Variants in MAP3K5 observed in about 807,000 individuals in gnomAD.
The protein encoded by MAP3K5 is ASK-1.
In MAP3K5, 56 loss-of-function variants were observed where a neutral mutation model predicts 158.7. The ratio of observed to expected loss-of-function variants is 0.35; its 90% CI spans 0.28 to 0.44. The LOEUF (loss-of-function observed/expected upper bound fraction) is 0.44, where lower values mean the gene tolerates loss of function less well. Among genes scored for constraint, MAP3K5 ranks in the 20% least tolerant of loss-of-function variants. The pLI, the probability that MAP3K5 is intolerant of heterozygous loss-of-function variation, is 1.00. For synonymous variants in MAP3K5, 579 were observed against 601.7 expected (o/e 0.96, Z 0.55); for missense variants, 1,294 against 1,674.8 (o/e 0.77, Z 3.97).
chr6:136,580,650 T>C (rs144523749), intron 24 of MAP3K5, among the ~76,000 whole-genome samples: 173 of 152,294 alleles, frequency 1.1e-3, no homozygotes, highest in African/African-American at 3.9e-3. Context: ...AATGAGAATG[T>C]TGCTTCTTTG....
In MAP3K5 at chr6:136,601,836, T is replaced by C. The variant is rs202169438; in HGVS notation, c.2823A>G (p.Ser941=). 64 of 1,614,182 alleles carry C rather than the reference T, an allele frequency of 4.0e-5. No homozygotes were observed. The highest frequency in any genetic ancestry group is 3.3e-4 in the Middle Eastern group (2 of 6,062). ...DLLVDEFLKV[S]SKKKKTQPKL... is the part of the protein sequence containing the mutation. ...TAGGTTGTGTCTTTTTCTTTTTGCT[T>C]GAAACTTTTAAAAACTCATCAACAA... Residue 941 remains serine, a synonymous_variant, in exon 20 of 30, where the codon TCA becomes TCG. Coordinates refer to ENST00000359015, the MANE Select transcript of MAP3K5 (RefSeq NM_005923.4).
rs768850612 is a variant in MAP3K5 at position 136,583,745 on chromosome 6, G to C, written c.3226-5C>G. ...TAGTTTCGGTTCTTCAGCCCCCTGT[G>C]AATAAAAATCAACAATCCTTACATC... On this transcript the variant is annotated splice_region_variant and splice_polypyrimidine_tract_variant and intron_variant, in intron 23 of 29. Coordinates refer to ENST00000359015, the MANE Select transcript of MAP3K5 (RefSeq NM_005923.4). 1 of 1,612,864 alleles carries C rather than the reference G, an allele frequency of 6.2e-7. No individual in the cohort carries two copies. The highest frequency in any genetic ancestry group is 8.5e-7 in the Non-Finnish European group (1 of 1,179,250).
At position 136,557,397 on chromosome 6, in the gene MAP3K5, C is replaced by T. The variant is rs528274047; in HGVS notation, c.*361G>A. Reference sequence around the variant, plus strand: ...ATTTTGGTTTTGTTCCAGTGGTGCACGATCACATGAAATGTTACATCCGTT... The same window carrying T: ...ATTTTGGTTTTGTTCCAGTGGTGCATGATCACATGAAATGTTACATCCGTT... On this transcript the variant is annotated 3_prime_UTR_variant, in exon 30 of 30. Coordinates refer to ENST00000359015, the MANE Select transcript of MAP3K5 (RefSeq NM_005923.4). The T allele has an allele frequency of 2.0e-5, 4 of 195,788 alleles. No homozygotes were observed. The highest frequency in any genetic ancestry group is 4.2e-5 in the Non-Finnish European group (4 of 95,364). 12.1% of individuals were successfully genotyped at this position (195,788 alleles called of 1,614,324 possible).
chr6:136,631,518 TC>T (rs201295663), intron 14 of MAP3K5, among the ~76,000 whole-genome samples: 25 of 151,726 alleles, frequency 1.6e-4, no homozygotes, highest in African/African-American at 6.1e-4. Context: ...CTTTTTTTTT[TC>T]TTTTTTTTTT....
intron 7 of MAP3K5, among the ~76,000 whole-genome samples, chr6:136,692,087 T>A (rs1780413806): frequency 6.6e-6 from 1 of 152,016 alleles, no homozygotes; most frequent in African/African-American, 2.4e-5. Flanking sequence ...TTCTTTTTTT[T>A]AATAAGACAA....
At chr6:136,593,482 C>T (rs1775485011) in intron 21 of MAP3K5, among the ~76,000 whole-genome samples, 1 of 152,068 alleles carries the variant, frequency 6.6e-6, no homozygotes, top group South Asian at 2.1e-4. Flanking sequence ...AGCCTCAGTC[C>T]ACCAGCCACA....
chr6:136,667,067 A>G (rs890134972), intron 8 of MAP3K5, among the ~76,000 whole-genome samples: 20 of 152,220 alleles, frequency 1.3e-4, no homozygotes, highest in Non-Finnish European at 2.2e-4. Flanking sequence ...GAGATTTAGA[A>G]TAAGTACATT....
At chr6:136,596,497 A>G (rs1246172958) in intron 21 of MAP3K5, among the ~76,000 whole-genome samples, 1 of 152,124 alleles carries the variant, frequency 6.6e-6, no homozygotes, top group Non-Finnish European at 1.5e-5. Context: ...TGTGGGGCAA[A>G]AAAAGGTGGT....
chr6:136,622,800 C>A, intron 15 of MAP3K5, 48 bp downstream of exon 15: 8 of 1,582,970 alleles, frequency 5.1e-6, no homozygotes, highest in Non-Finnish European at 6.9e-6. Flanking sequence ...ATACTGTCAA[C>A]AACCCAAAGT....
chr6:136,731,876 T>A (rs940069059), intron 1 of MAP3K5, among the ~76,000 whole-genome samples: 1 of 152,122 alleles, frequency 6.6e-6, no homozygotes, highest in Admixed American at 6.5e-5. Flanking sequence ...AAGCAAGAGA[T>A]CAGACAATAC....
At chr6:136,680,073 A>ACACAC (rs1779868469) in intron 7 of MAP3K5, among the ~76,000 whole-genome samples, 2 of 142,884 alleles carry the variant, frequency 1.4e-5, no homozygotes, top group African/African-American at 5.6e-5. Flanking sequence ...CACACACACA[A>ACACAC]AACCCAAAGC....
intron 14 of MAP3K5, among the ~76,000 whole-genome samples, chr6:136,623,434 G>C (rs980163716): frequency 2.6e-5 from 4 of 152,142 alleles, no homozygotes; most frequent in Non-Finnish European, 4.4e-5. Context: ...TGGGTAAGAA[G>C]AAAATGTTGA....
chr6:136,769,549 G>A (rs1784091158), intron 1 of MAP3K5, among the ~76,000 whole-genome samples: 1 of 151,384 alleles, frequency 6.6e-6, no homozygotes, highest in Admixed American at 6.6e-5. Context: ...AAAAATAGAA[G>A]AGAGAAGTAT....
At chr6:136,678,934 C>T (rs1329083717) in intron 7 of MAP3K5, among the ~76,000 whole-genome samples, 1 of 152,058 alleles carries the variant, frequency 6.6e-6, no homozygotes, top group South Asian at 2.1e-4. Flanking sequence ...CCATGTTGGC[C>T]AGACTGATCT....
At chr6:136,729,016 G>A (rs1443174670) in intron 1 of MAP3K5, among the ~76,000 whole-genome samples, 1 of 152,136 alleles carries the variant, frequency 6.6e-6, no homozygotes, top group Admixed American at 6.6e-5. Flanking sequence ...AGAGGAGGGT[G>A]CAAAACTAAG....
rs1182730161 is a variant in MAP3K5, at chr6:136,720,521, C to T, written c.517G>A (p.Glu173Lys). The T allele has an allele frequency of 6.2e-7, 1 of 1,613,640 alleles. No homozygotes were observed. Among genetic ancestry groups the T allele is most frequent in the African/African-American group, 1.3e-5 (1 of 75,014 alleles). Residue 173 changes from glutamate to lysine, a missense_variant, in exon 2 of 30, where the codon GAA becomes AAA. Glu to Lys is a moderately conservative substitution (Grantham distance 56). Transcript: ENST00000359015. ...PSLFYHLGVRESFSMANNIIL... is the reference protein window; with the variant it reads ...PSLFYHLGVRKSFSMANNIIL... ...ATGTTGTTGGCCATGCTGAAACTTTCTCTCACCCCAAGGTGGTAAAACAAG... is the reference window on the plus strand; with the variant it reads ...ATGTTGTTGGCCATGCTGAAACTTTTTCTCACCCCAAGGTGGTAAAACAAG...
chr6:136,643,464 G>C (rs552090965), intron 11 of MAP3K5, among the ~76,000 whole-genome samples: 1 of 152,304 alleles, frequency 6.6e-6, no homozygotes, highest in Admixed American at 6.5e-5. Flanking sequence ...ATGAAAAGGA[G>C]TTCTTACCCA....
In MAP3K5 at chr6:136,562,575, C is replaced by T. The variant is rs1232051862; in HGVS notation, c.3802G>A (p.Ala1268Thr). The change falls in exon 27 of 30, where the codon GCA becomes ACA. Residue 1268 changes from alanine to threonine, a missense_variant. Ala to Thr is a moderately conservative substitution (Grantham distance 58, BLOSUM62 0). Transcript: ENST00000359015. ...ELVRKEKELQ[A>T]LLHRAIEEKD... ...TCTTCAATAGCTCGATGAAGGAGTG[C>T]TTGTAATTCTTTCTCTTTCCGAACC... The T allele has an allele frequency of 4.4e-6, 7 of 1,604,154 alleles. No individual in the cohort carries two copies. Among genetic ancestry groups the T allele is most frequent in the Non-Finnish European group, 6.0e-6 (7 of 1,175,484 alleles).
At chr6:136,684,770 T>C (rs1262554589) in intron 7 of MAP3K5, among the ~76,000 whole-genome samples, 1 of 152,214 alleles carries the variant, frequency 6.6e-6, no homozygotes, top group Non-Finnish European at 1.5e-5. Flanking sequence ...GATTTAAATC[T>C]TTATATTGAA....
Sources: gnomAD v4.1 joint callset for allele counts (sites outside exome capture counted in the v4.1 genomes callset) on GRCh38, gnomAD v4.1.1 for gene constraint, MANE v1.5 for transcripts, NCBI Gene and HGNC (gene_info 2026-07-23, HGNC 2026-07-21) for gene names.